The following EIF3L variants were observed in gnomAD, a reference collection of about 807,000 sequenced individuals.
EIF3L encodes the protein eukaryotic translation initiation factor 3 subunit L.
Under a neutral mutation model 74.6 loss-of-function variants are expected in EIF3L, and 32 were observed. That is an observed-to-expected ratio of 0.43 (90% CI 0.32 to 0.58). EIF3L has a LOEUF of 0.58. EIF3L is among the 20% of genes least tolerant of loss of function. The pLI, the probability that EIF3L is intolerant of heterozygous loss-of-function variation, is 0.06. For missense variants in EIF3L, 474 were observed against 707.8 expected, an observed-to-expected ratio of 0.67 and a Z score of 3.75; for synonymous variants, 256 against 254.4, an observed-to-expected ratio of 1.01 and a Z score of -0.06.
rs2145850243 is a variant in EIF3L, at chr22:37,888,302, C to T, written c.1657-124C>T. On this transcript the variant is annotated intron_variant, in intron 12 of 12. Coordinates refer to ENST00000652021, the MANE Select transcript of EIF3L (RefSeq NM_016091.4). Reference sequence around the variant, plus strand: ...TTTGCACACACATAGTGGACACCCACATCAGAAACTTCCTTTCTTGGCTTC... The same window carrying T: ...TTTGCACACACATAGTGGACACCCATATCAGAAACTTCCTTTCTTGGCTTC... The T allele has an allele frequency of 3.2e-6, 3 of 935,118 alleles. No homozygotes were observed. In the East Asian group the frequency reaches 7.2e-5, roughly 22 times the overall value. 57.9% of individuals were successfully genotyped at this position (935,118 alleles called of 1,614,324 possible). A position where few individuals can be genotyped will look rare whatever the true frequency, so the allele number is the denominator to read the frequency against.
chr22:37,862,728 A>T (rs1601762509), intron 5 of EIF3L, among the ~76,000 whole-genome samples: 1 of 152,100 alleles, frequency 6.6e-6, no homozygotes, highest in African/African-American at 2.4e-5. Flanking sequence ...CCAGATCATC[A>T]TCCCTGCTCT....
intron 5 of EIF3L, among the ~76,000 whole-genome samples, chr22:37,862,634 C>T (rs886929368): frequency 6.6e-6 from 1 of 152,176 alleles, no homozygotes; most frequent in East Asian, 1.9e-4. Flanking sequence ...TCTTAACTCC[C>T]TAGCCTTCAA....
At chr22:37,857,611 C>G (rs1925602934) in intron 4 of EIF3L, among the ~76,000 whole-genome samples, 1 of 151,350 alleles carries the variant, frequency 6.6e-6, no homozygotes, top group Non-Finnish European at 1.5e-5. Context: ...GTGGCGCGAT[C>G]TCTGCTCGCT....
chr22:37,859,043 C>G (rs1406025413), intron 5 of EIF3L, among the ~76,000 whole-genome samples: 1 of 151,652 alleles, frequency 6.6e-6, no homozygotes, highest in African/African-American at 2.4e-5. Context: ...CAGGTACCTG[C>G]TGCTGCTTCT....
intron 2 of EIF3L, 49 bp downstream of exon 2, chr22:37,850,112 T>G (rs751815281): frequency 6.9e-6 from 11 of 1,604,754 alleles, no homozygotes; most frequent in Non-Finnish European, 9.4e-6. Context: ...ATCAGTTCCT[T>G]TGGAATGTCT....
intron 1 of EIF3L, 174 bp from the exon 2 acceptor site, chr22:37,849,841 G>A (rs1925073475): frequency 1.4e-6 from 1 of 691,710 alleles, no homozygotes; most frequent in East Asian, 2.6e-5. Flanking sequence ...ATGTTGTATT[G>A]TCATTGTCTG....
intron 7 of EIF3L, among the ~76,000 whole-genome samples, chr22:37,865,201 C>G (rs564449538): frequency 1.3e-5 from 2 of 151,482 alleles, no homozygotes. Flanking sequence ...CGTGGTGGCT[C>G]ACGCCTGTAA....
chr22:37,856,457 A>G (rs1302457730), intron 4 of EIF3L, among the ~76,000 whole-genome samples: 1 of 152,192 alleles, frequency 6.6e-6, no homozygotes, highest in East Asian at 1.9e-4. Flanking sequence ...TCCTGACCTC[A>G]AGTGATCTTC....
At chr22:37,850,452 T>TCAAG (rs1925132133) in intron 2 of EIF3L, 2 of 222,152 alleles carry the variant, frequency 9.0e-6, no homozygotes, top group African/African-American at 4.7e-5. Context: ...TTCTCTTGTC[T>TCAAG]CAGCCTCCTG....
chr22:37,855,446 C>T, intron 3 of EIF3L, 119 bp from the exon 4 acceptor site: 2 of 838,584 alleles, frequency 2.4e-6, no homozygotes, highest in East Asian at 2.6e-5. Flanking sequence ...GGGCTTTGGC[C>T]TCAGCTCTGT....
chr22:37,850,539 G>T, intron 2 of EIF3L: 1 of 222,498 alleles, frequency 4.5e-6, no homozygotes. Context: ...AGGTTTCGCC[G>T]TGTTGTCCAG....
In EIF3L at chr22:37,878,304, G is replaced by A. The variant is rs932969295; in HGVS notation, c.1575+133G>A. On this transcript the variant is annotated intron_variant, in intron 11 of 12. Transcript: ENST00000652021. Reference sequence around the variant, plus strand: ...GTGGTGCTGCCACAAGGTGCCAGGTGTGGTGGCTCATGCCAGTAATACTAG... The same window carrying A: ...GTGGTGCTGCCACAAGGTGCCAGGTATGGTGGCTCATGCCAGTAATACTAG... 2.0e-5 allele frequency: 24 copies of A among 1,190,016 alleles called. No homozygotes were observed. In the African/African-American group the frequency reaches 3.7e-4, roughly 18 times the overall value. The allele number at this position is 1,190,016 out of a possible 1,614,324, so 73.7% of individuals were successfully genotyped here.
intron 3 of EIF3L, among the ~76,000 whole-genome samples, chr22:37,852,621 T>G (rs890463543): frequency 6.6e-6 from 1 of 152,124 alleles, no homozygotes; most frequent in African/African-American, 2.4e-5. Context: ...ACATGTGTTT[T>G]CTTTTTTTGT....
chr22:37,867,798 C>CA (rs751637917), intron 7 of EIF3L, among the ~76,000 whole-genome samples: 1 of 150,916 alleles, frequency 6.6e-6, no homozygotes, highest in African/African-American at 2.4e-5. Flanking sequence ...ACTAAAAATA[C>CA]AAAAAAATTT....
At chr22:37,854,319 G>T (rs1925382177) in intron 3 of EIF3L, among the ~76,000 whole-genome samples, 1 of 152,168 alleles carries the variant, frequency 6.6e-6, no homozygotes, top group South Asian at 2.1e-4. Context: ...TAACTTGGAG[G>T]GCCTTGATAA....
rs1926635522 is a variant in EIF3L, at chr22:37,874,382, G to A, written c.764G>A (p.Ser255Asn). The A allele has an allele frequency of 6.2e-7, 1 of 1,613,976 alleles. No individual in the cohort carries two copies. ...CTGTCTCTTTCAGGTGACCCTGAGA[G>A]TGTGGCTGGGGAGTATGGGCGGCAC... ...EVYTSGGDPE[S>N]VAGEYGRHSL... The change falls in exon 9 of 13, where the codon AGT becomes AAT. Residue 255 changes from serine (S) to asparagine (N), a missense_variant. By Grantham distance (46) the Ser-to-Asn change is conservative. Coordinates refer to ENST00000652021, the MANE Select transcript of EIF3L (RefSeq NM_016091.4).
intron 2 of EIF3L, 105 bp downstream of exon 2, chr22:37,850,168 AGGTTTGGAGTCAGTCATTAGCTGC>A: frequency 7.7e-7 from 1 of 1,303,316 alleles, no homozygotes; most frequent in Non-Finnish European, 1.1e-6. Flanking sequence ...TTGATGGTCC[AGGTTTGGAGTCAGTCATTAGCTGC>A]CAGTGCGAGG....
At chr22:37,859,256 A>G (rs992702570) in intron 5 of EIF3L, among the ~76,000 whole-genome samples, 1 of 151,766 alleles carries the variant, frequency 6.6e-6, no homozygotes, top group Non-Finnish European at 1.5e-5. Flanking sequence ...TAAGTGACAA[A>G]ACTCCTTGAA....
Position 37,849,424 on chromosome 22 carries a change from C to T in EIF3L, c.-26C>T, listed in dbSNP as rs756642798. The T allele has an allele frequency of 1.9e-6, 3 of 1,613,850 alleles. No homozygotes were observed. Among genetic ancestry groups the T allele is most frequent in the African/African-American group, 1.3e-5 (1 of 74,932 alleles). ...CGCGGGCCGCTCATTTCGCTCTTTC[C>T]GGCGGTGCTCGCAAGCGAGGCAGCC... is the stretch of plus-strand genomic sequence containing the variant. On this transcript the variant is annotated 5_prime_UTR_variant, in exon 1 of 13. Coordinates refer to ENST00000652021, the MANE Select transcript of EIF3L (RefSeq NM_016091.4).
Sources: gnomAD v4.1 joint callset for allele counts (sites outside exome capture counted in the v4.1 genomes callset) on GRCh38, gnomAD v4.1.1 for gene constraint, MANE v1.5 for transcripts, NCBI Gene and HGNC (gene_info 2026-07-23, HGNC 2026-07-21) for gene names.